The following ASTN2 variants were observed in gnomAD, a reference collection of about 807,000 sequenced individuals.
The protein encoded by ASTN2 is astrotactin 2, also known as astrotactin-2.
In ASTN2, 54 loss-of-function variants were observed where a neutral mutation model predicts 139.8. The observed-to-expected ratio is 0.39, with a 90% confidence interval of 0.31 to 0.48. The LOEUF is 0.48. ASTN2 is among the 20% of genes least tolerant of loss of function. The pLI, the probability that ASTN2 is intolerant of heterozygous loss-of-function variation, is 0.95. For synonymous variants in ASTN2, 756 were observed against 719.5 expected, an observed-to-expected ratio of 1.05 and a Z score of -0.81; for missense variants, 1,565 against 1,725.1, an observed-to-expected ratio of 0.91 and a Z score of 1.64.
intron 17 of ASTN2, 77 bp downstream of exon 17, chr9:116,651,451 T>C (rs1857908418): frequency 5.9e-6 from 9 of 1,519,868 alleles, no homozygotes; most frequent in Non-Finnish European, 8.1e-6. Context: ...ACAATACCCC[T>C]GGACAAAGGG....
rs1334690725 is a variant in ASTN2, at chr9:116,584,503, CA to C, written c.3355+33820del. On this transcript the variant is annotated intron_variant, in intron 19 of 22. Coordinates refer to ENST00000313400, the MANE Select transcript of ASTN2 (RefSeq NM_001365068.1). ...ATTCAACATCCATTTCAAATGGAAA[CA>C]AAACAAAGCTTTTGCAGCAAACTAG... is the stretch of plus-strand genomic sequence containing the variant. The C allele has an allele frequency of 3.3e-5, 5 of 152,040 alleles. No homozygotes were observed. In the East Asian group the frequency reaches 9.6e-4, roughly 29 times the overall value. 9.4% of individuals were successfully genotyped at this position (152,040 alleles called of 1,614,324 possible). A position where few individuals can be genotyped will look rare whatever the true frequency, so the allele number is the denominator to read the frequency against.
intron 4 of ASTN2, among the ~76,000 whole-genome samples, chr9:117,114,489 T>C (rs1278743733): frequency 6.6e-6 from 1 of 152,226 alleles, no homozygotes; most frequent in Non-Finnish European, 1.5e-5. Flanking sequence ...TAGCTCTGAA[T>C]TGTTTTGTAT....
intron 1 of ASTN2, among the ~76,000 whole-genome samples, chr9:117,399,412 C>G (rs1001796801): frequency 2.2e-4 from 34 of 151,984 alleles, no homozygotes; most frequent in Non-Finnish European, 4.0e-4. Flanking sequence ...TTTAAGTGAG[C>G]AAAATTTGAA....
chr9:116,929,620 C>T (rs1234660086), intron 10 of ASTN2, among the ~76,000 whole-genome samples: 5 of 152,156 alleles, frequency 3.3e-5, no homozygotes, highest in Non-Finnish European at 7.3e-5. Context: ...CAAAATAGCA[C>T]TTCTTCCCCA....
intron 10 of ASTN2, among the ~76,000 whole-genome samples, chr9:116,963,298 G>A (rs1317887092): frequency 2.0e-5 from 3 of 152,152 alleles, no homozygotes; most frequent in Admixed American, 6.5e-5. Flanking sequence ...GCTATTTTAG[G>A]CAGAGGGAGA....
chr9:116,862,281 CCTT>C (rs752544127), intron 11 of ASTN2, among the ~76,000 whole-genome samples: 10 of 152,128 alleles, frequency 6.6e-5, no homozygotes, highest in Non-Finnish European at 8.8e-5. Flanking sequence ...TCTATCCTTC[CCTT>C]CTTCTTTCTT....
intron 2 of ASTN2, among the ~76,000 whole-genome samples, chr9:117,219,362 C>A (rs879842675): frequency 1.3e-5 from 2 of 151,796 alleles, no homozygotes; most frequent in Non-Finnish European, 2.9e-5. Flanking sequence ...AAACACAGGC[C>A]CAAGCAGTGG....
At chr9:116,813,247 A>G (rs552807376) in intron 12 of ASTN2, among the ~76,000 whole-genome samples, 1 of 152,154 alleles carries the variant, frequency 6.6e-6, no homozygotes, top group Non-Finnish European at 1.5e-5. Context: ...TGTTACCCTT[A>G]ACACACCCAT....
In ASTN2 at chr9:116,698,743, C is replaced by T. The variant is rs1025366788; in HGVS notation, c.2806+27028G>A. On this transcript the variant is annotated intron_variant, in intron 16 of 22. Transcript: ENST00000313400. This position sits in a 1 kb window ranked among gnomAD's most constrained non-coding sequence, Gnocchi z 4.4. ...GACATGAGCCCGGAGGAAGTGGTTG[C>T]CAGCCCTAGGGCCTCACCTGCTAAA... 1.9e-6 allele frequency: 3 copies of T among 1,614,014 alleles called. No individual in the cohort carries two copies. The highest frequency in any genetic ancestry group is 4.5e-5 in the East Asian group (2 of 44,878).
intron 19 of ASTN2, among the ~76,000 whole-genome samples, chr9:116,532,673 G>T (rs1343188220): frequency 6.6e-6 from 1 of 152,168 alleles, no homozygotes; most frequent in East Asian, 1.9e-4. Flanking sequence ...GATAGTTGTA[G>T]ATGTGTGGTA....
intron 22 of ASTN2, 91 bp from the exon 23 acceptor site, chr9:116,426,179 C>G: frequency 1.3e-6 from 2 of 1,490,358 alleles, no homozygotes; most frequent in Non-Finnish European, 1.8e-6. Flanking sequence ...CAAATGGTAA[C>G]TTCTCCCAAC....
chr9:116,426,545 C>T (rs990420093), intron 22 of ASTN2, among the ~76,000 whole-genome samples: 6 of 152,130 alleles, frequency 3.9e-5, no homozygotes, highest in Non-Finnish European at 7.3e-5. Flanking sequence ...GGGTGAGGAG[C>T]TCAAGCAAGG....
At chr9:116,849,767 C>G (rs1039662203) in intron 11 of ASTN2, among the ~76,000 whole-genome samples, 10 of 152,266 alleles carry the variant, frequency 6.6e-5, no homozygotes, top group African/African-American at 2.4e-4. Context: ...CATCTCTTGT[C>G]ACTAAAAACT....
chr9:116,657,202 T>G (rs559455448), intron 16 of ASTN2, among the ~76,000 whole-genome samples: 4 of 152,204 alleles, frequency 2.6e-5, no homozygotes, highest in African/African-American at 9.6e-5. Flanking sequence ...CACTTCTGTG[T>G]TGTGCAATAT....
intron 11 of ASTN2, among the ~76,000 whole-genome samples, chr9:116,853,617 GTAC>G (rs1218716570): frequency 2.6e-5 from 4 of 152,080 alleles, no homozygotes; most frequent in Non-Finnish European, 5.9e-5. Context: ...ACTCCCACAT[GTAC>G]TACATTTATT....
chr9:116,967,446 T>G (rs2132513052), intron 10 of ASTN2, among the ~76,000 whole-genome samples: 1 of 152,192 alleles, frequency 6.6e-6, no homozygotes, highest in South Asian at 2.1e-4. Context: ...GAAAGGAACA[T>G]TTGTGTGAGT....
At chr9:116,957,353 T>C (rs1835740663) in intron 10 of ASTN2, among the ~76,000 whole-genome samples, 1 of 152,226 alleles carries the variant, frequency 6.6e-6, no homozygotes, top group South Asian at 2.1e-4. Context: ...ATACTTTGGG[T>C]CACATTGCTT....
chr9:116,424,655 G>T lies in ASTN2; in HGVS notation c.*1196C>A, dbSNP rs1273593180. On this transcript the variant is annotated 3_prime_UTR_variant, in exon 23 of 23. Coordinates refer to ENST00000313400, the MANE Select transcript of ASTN2 (RefSeq NM_001365068.1). ...TCCAGTGGCTCCATGTCAGTTCACT[G>T]CAAACTCTGCCTCCCAGGTTCAAGC... Among the ~76,000 whole-genome samples the T allele has an allele frequency of 1.3e-5, 2 of 148,248 alleles. No individual in the cohort carries two copies. Among genetic ancestry groups the T allele is most frequent in the African/African-American group, 5.0e-5 (2 of 39,930 alleles).
At chr9:116,921,167 C>T (rs10983406) in intron 10 of ASTN2, among the ~76,000 whole-genome samples, 29,978 of 151,992 alleles carry the variant, frequency 0.2, 3,473 homozygotes, top group Middle Eastern at 0.24. Flanking sequence ...TTTTAGACAA[C>T]AAGATCTCAC....
Sources: gnomAD v4.1 joint callset for allele counts (sites outside exome capture counted in the v4.1 genomes callset) on GRCh38, gnomAD v4.1.1 for gene constraint, Gnocchi (gnomAD v3.1) non-coding constraint, MANE v1.5 for transcripts, NCBI Gene and HGNC (gene_info 2026-07-23, HGNC 2026-07-21) for gene names.